SEC31B: variants seen among roughly 807,000 people sequenced by gnomAD.
SEC31B encodes protein transport protein Sec31B.
A neutral mutation model predicts 135.0 loss-of-function variants in SEC31B; 113 were observed. The observed-to-expected ratio is 0.84, with a 90% CI of 0.72 to 0.98. SEC31B has a LOEUF of 0.98. Among genes scored for constraint, SEC31B ranks in the 50% least tolerant of loss-of-function variants. The pLI is 0.00. For missense variants in SEC31B, 1,296 were observed against 1,421.1 expected (o/e 0.91, Z 1.42); for synonymous variants, 508 against 549.4 (o/e 0.92, Z 1.05).
At chr10:100,489,611 G>C (rs1430901675) in intron 22 of SEC31B, 92 bp downstream of exon 22, 4 of 1,577,484 alleles carry the variant, frequency 2.5e-6, no homozygotes, top group Non-Finnish European at 2.6e-6. Flanking sequence ...GGGACAGTCT[G>C]AGAAGGGGAA....
chr10:100,490,506 T>C (rs1452102814), intron 20 of SEC31B, 184 bp from the exon 21 acceptor site: 2 of 876,118 alleles, frequency 2.3e-6, no homozygotes, highest in African/African-American at 1.7e-5. Flanking sequence ...AACAATCCCA[T>C]AGCATTGAAA....
intron 10 of SEC31B, 28 bp downstream of exon 10, chr10:100,505,333 C>G (rs879758112): frequency 1.2e-6 from 2 of 1,611,672 alleles, no homozygotes; most frequent in Admixed American, 3.3e-5. Flanking sequence ...CACAAACACA[C>G]ACACACCTAT....
chr10:100,490,902 A>T lies in SEC31B; in HGVS notation c.2473-19T>A. On this transcript the variant is annotated intron_variant, in intron 19 of 25. Transcript: ENST00000370345. ...TTGGGACCTATGAAGAGAAAAAAAC[A>T]TCAGCTCTTGGAAAGGAAAGAGAAA... is the stretch of plus-strand genomic sequence containing the variant. 7.1e-7 allele frequency: 1 copy of T among 1,399,782 alleles called. No homozygotes were observed. The highest frequency in any genetic ancestry group is 9.4e-7 in the Non-Finnish European group (1 of 1,061,830). 86.7% of individuals were successfully genotyped at this position (1,399,782 alleles called of 1,614,324 possible).
Position 100,496,369 on chromosome 10 carries a change from C to G in SEC31B, c.2199G>C (p.Gly733=), listed in dbSNP as rs964873122. Residue 733 remains glycine, a synonymous_variant, in exon 18 of 26, where the codon GGG becomes GGC. Transcript: ENST00000370345. ...AGGTTGTGGCAGGGCCTGGGCTCACCCCATGAGGACCCCGCAGTTGCTCCA... is the reference window on the plus strand; with the variant it reads ...AGGTTGTGGCAGGGCCTGGGCTCACGCCATGAGGACCCCGCAGTTGCTCCA... ...RSLEQLRGPH[G]VSPGPATTYR... is the part of the protein sequence containing the mutation. 6.2e-7 allele frequency: 1 copy of G among 1,614,100 alleles called. No homozygotes were observed. The highest frequency in any genetic ancestry group is 8.5e-7 in the Non-Finnish European group (1 of 1,180,048).
rs1005819111 is a variant in SEC31B at position 100,506,315 on chromosome 10, G to C, written c.882+6C>G. On this transcript the variant is annotated splice_donor_region_variant and intron_variant, in intron 8 of 25. Transcript: ENST00000370345. ...TCCCAGCATGCCCACAGAAGGGCCA[G>C]CCTACCTCACTGCTCCCCAGGTTCC... 5 of 1,614,008 alleles carry C rather than the reference G, an allele frequency of 3.1e-6. No homozygotes were observed. In the African/African-American group the frequency reaches 6.7e-5, roughly 22 times the overall value.
In SEC31B at chr10:100,487,180, A is replaced by T; in HGVS notation, c.*436T>A. On this transcript the variant is annotated 3_prime_UTR_variant, in exon 26 of 26. Transcript: ENST00000370345. ...GACCTGGAAATACCAAGTCAGAGGC[A>T]GGGAAAAGGTAAGGGCAGGCTCATA... 5.5e-6 allele frequency: 1 copy of T among 182,318 alleles called. No homozygotes were observed. The highest frequency in any genetic ancestry group is 1.1e-5 in the Non-Finnish European group (1 of 87,208). The allele number at this position is 182,318 out of a possible 1,614,324, so 11.3% of individuals were successfully genotyped here. A position where few individuals can be genotyped will look rare whatever the true frequency, so the allele number is the denominator to read the frequency against.
intron 19 of SEC31B, among the ~76,000 whole-genome samples, chr10:100,492,254 C>T (rs374315025): frequency 2.6e-5 from 4 of 152,274 alleles, no homozygotes; most frequent in East Asian, 3.9e-4. Flanking sequence ...GACAGAGTTT[C>T]GCTCTTGGTG....
At position 100,495,560 on chromosome 10, in the gene SEC31B, T is replaced by G; in HGVS notation, c.2311-14A>C. On this transcript the variant is annotated splice_polypyrimidine_tract_variant and intron_variant, in intron 18 of 25. Coordinates refer to ENST00000370345, the MANE Select transcript of SEC31B (RefSeq NM_015490.4). ...CTGAACTGGTGGCTATAAGTTTTAA[T>G]GAGGAAGAGCTGTGTCAAGAAATTA... The G allele has an allele frequency of 6.2e-7, 1 of 1,608,504 alleles. No homozygotes were observed.
Position 100,497,058 on chromosome 10 carries a change from C to G in SEC31B, c.2136+77G>C, listed in dbSNP as rs1851423267. The G allele has an allele frequency of 1.9e-6, 3 of 1,557,004 alleles. No individual in the cohort carries two copies. In the Admixed American group the frequency reaches 5.2e-5, roughly 27 times the overall value. ...GCCTGTCCCAGAAGATTCGCCTCTG[C>G]TAGCTCTGCACATCTCCACCACTAG... On this transcript the variant is annotated intron_variant, in intron 17 of 25. Coordinates refer to ENST00000370345, the MANE Select transcript of SEC31B (RefSeq NM_015490.4).
At chr10:100,487,844 C>T in intron 25 of SEC31B, 49 bp from the exon 26 acceptor site, 1 of 1,604,766 alleles carries the variant, frequency 6.2e-7, no homozygotes, top group East Asian at 2.2e-5. Flanking sequence ...CAGCTCCTAC[C>T]CTGGCAGCAT....
At position 100,489,706 on chromosome 10, in the gene SEC31B, G is replaced by C. The variant is rs753042457; in HGVS notation, c.3021C>G (p.Asn1007Lys). 1 of 1,614,076 alleles carries C rather than the reference G, an allele frequency of 6.2e-7. No homozygotes were observed. Among genetic ancestry groups the C allele is most frequent in the African/African-American group, 1.3e-5 (1 of 74,920 alleles). Reference protein sequence around the residue: ...APAPRGNLQRNKLPETFMPPA... With the variant: ...APAPRGNLQRKKLPETFMPPA... ...GGGTAGGGAAAGATGCATTGACCTT[G>C]TTCCTCTGGAGGTTTCCCCTGGGGG... The change falls in exon 22 of 26, where the codon AAC (asparagine) becomes AAG (lysine). Residue 1007 changes from asparagine (N) to lysine (K), a missense_variant. Physicochemically the swap from Asn to Lys is moderately conservative, Grantham distance 94 (BLOSUM62 0). Transcript: ENST00000370345.
At chr10:100,500,143 G>GC (rs1851491717) in intron 11 of SEC31B, 1 of 456,462 alleles carries the variant, frequency 2.2e-6, no homozygotes, top group African/African-American at 2.0e-5. Context: ...CCTTGCACCT[G>GC]AGCTGTCTCT....
intron 1 of SEC31B, 78 bp from the exon 2 acceptor site, chr10:100,517,075 C>A: frequency 1.4e-6 from 1 of 714,136 alleles, no homozygotes; most frequent in Non-Finnish European, 2.5e-6. Context: ...TGTCTTTCTC[C>A]ATCACAAGAT....
chr10:100,487,916 T>TG (rs1851213569), intron 25 of SEC31B, 111 bp downstream of exon 25: 5 of 1,510,954 alleles, frequency 3.3e-6, no homozygotes, highest in Middle Eastern at 1.9e-4. Context: ...ACGTATTTTG[T>TG]GGGGAACCCA....
At chr10:100,505,572 G>C (rs74154664) in intron 9 of SEC31B, 77 bp from the exon 10 acceptor site, 3 of 1,499,976 alleles carry the variant, frequency 2.0e-6, no homozygotes, top group Non-Finnish European at 2.7e-6. Flanking sequence ...ACTCCATTTT[G>C]GGAGGAATCC....
At chr10:100,491,746 CAT>C in intron 19 of SEC31B, among the ~76,000 whole-genome samples, 1 of 152,336 alleles carries the variant, frequency 6.6e-6, no homozygotes. Context: ...TCCCCAAAGT[CAT>C]GTGTTGAAAA....
chr10:100,518,826 C>T (rs1290246556), intron 1 of SEC31B, among the ~76,000 whole-genome samples: 1 of 152,198 alleles, frequency 6.6e-6, no homozygotes, highest in East Asian at 1.9e-4. Flanking sequence ...AAAGTTTAAG[C>T]CTGCCCATTA....
At chr10:100,511,349 G>C (rs763335844) in intron 3 of SEC31B, among the ~76,000 whole-genome samples, 23 of 152,216 alleles carry the variant, frequency 1.5e-4, no homozygotes, top group Non-Finnish European at 3.2e-4. Context: ...GATGGTTCAG[G>C]GTGCTCAGGG....
chr10:100,489,664 T>C, intron 22 of SEC31B, 39 bp downstream of exon 22: 8 of 1,613,832 alleles, frequency 5.0e-6, no homozygotes, highest in Non-Finnish European at 6.8e-6. Flanking sequence ...TGGTCATTGG[T>C]GAATGTGCGA....
Sources: allele counts gnomAD v4.1 joint callset (sites outside exome capture counted in the v4.1 genomes callset), GRCh38; gene constraint gnomAD v4.1.1; transcripts MANE v1.5; gene names NCBI Gene and HGNC (gene_info 2026-07-23, HGNC 2026-07-21).